Variants in FRMPD4 observed in about 807,000 individuals in gnomAD.
FRMPD4 encodes FERM and PDZ domain containing 4.
A neutral mutation model predicts 94.1 loss-of-function variants in FRMPD4; 22 were observed. The observed-to-expected ratio is 0.23, with a 90% CI of 0.17 to 0.33. The LOEUF is 0.33. Ranked by LOEUF, FRMPD4 falls within the 10% of genes least tolerant of loss-of-function variation. The probability of loss-of-function intolerance (pLI) is 1.00; values close to 1 mark genes in which losing one functional copy is unlikely to be tolerated. For synonymous variants in FRMPD4, 631 were observed against 548.6 expected, an observed-to-expected ratio of 1.15 and a Z score of -2.10; for missense variants, 1,111 against 1,339.9, an observed-to-expected ratio of 0.83 and a Z score of 2.67.
At chrX:11,885,288 T>C (rs1420384737) in intron 3 of FRMPD4, among the ~76,000 whole-genome samples, 1 of 111,456 alleles carries the variant, frequency 9.0e-6, no homozygotes, top group Admixed American at 9.6e-5. Flanking sequence ...AAAGACAAAG[T>C]GCTATATGAT....
rs892476260 is a variant in FRMPD4 at position 11,873,058 on chromosome X, C to T, written c.-29-4837C>T. On this transcript the variant is annotated intron_variant, in intron 2 of 18. Transcript: ENST00000640291. The stretch of plus-strand genomic sequence containing the variant: ...TATATGCCTGAGAGCACCAAATCTG[C>T]AGAAACACAAAAATATTTTCTCTAC... 2.7e-5 allele frequency among the ~76,000 whole-genome samples: 3 copies of T among 111,639 alleles called. No homozygotes were observed. The Admixed American group carries it at 2.9e-4, about 11-fold the overall frequency.
intron 1 of FRMPD4, among the ~76,000 whole-genome samples, chrX:12,159,893 T>A (rs1302010028): frequency 8.9e-6 from 1 of 112,064 alleles, no homozygotes; most frequent in Non-Finnish European, 1.9e-5. Context: ...GTGCTTTCCC[T>A]TGAAAAGCCC....
intron 3 of FRMPD4, among the ~76,000 whole-genome samples, chrX:12,070,560 A>T (rs1004480180): frequency 9.0e-6 from 1 of 111,620 alleles, no homozygotes; most frequent in Non-Finnish European, 1.9e-5. Flanking sequence ...GCCTAATGTC[A>T]TTCTGTCGCC....
chrX:11,903,429 A>G (rs2053949187), intron 3 of FRMPD4, among the ~76,000 whole-genome samples: 1 of 112,567 alleles, frequency 8.9e-6, no homozygotes, highest in African/African-American at 3.2e-5. Context: ...TATTCAGTGT[A>G]GATAACAAAT....
chrX:12,492,554 A>G (rs1426905868), intron 1 of FRMPD4, among the ~76,000 whole-genome samples: 1 of 112,427 alleles, frequency 8.9e-6, no homozygotes, highest in African/African-American at 3.2e-5. Context: ...TGTAATGAAT[A>G]TATTTTTGAG....
chrX:12,486,673 C>A (rs1414910505), intron 1 of FRMPD4, among the ~76,000 whole-genome samples: 2 of 112,426 alleles, frequency 1.8e-5, no homozygotes, highest in Non-Finnish European at 3.8e-5. Context: ...ATATTGAGAG[C>A]TTATTGTCTT....
chrX:12,146,814 T>C (rs936138947), intron 1 of FRMPD4, among the ~76,000 whole-genome samples: 11 of 112,426 alleles, frequency 9.8e-5, no homozygotes, highest in African/African-American at 2.3e-4. Flanking sequence ...CAGGCATTCC[T>C]GATGGTGTGG....
chrX:12,181,468 T>C (rs2056357862), intron 1 of FRMPD4, among the ~76,000 whole-genome samples: 1 of 111,824 alleles, frequency 8.9e-6, no homozygotes, highest in African/African-American at 3.2e-5. Context: ...AGCATAGTCA[T>C]CTAAGTTGTT....
At chrX:11,911,547 G>A (rs1240159191) in intron 3 of FRMPD4, among the ~76,000 whole-genome samples, 3 of 112,026 alleles carry the variant, frequency 2.7e-5, no homozygotes, top group East Asian at 2.8e-4. Flanking sequence ...TGGCAACTTG[G>A]AGAACTTCTT....
chrX:12,575,429 A>G (rs731485), intron 2 of FRMPD4, among the ~76,000 whole-genome samples: 2 of 108,341 alleles, frequency 1.8e-5, no homozygotes, highest in Non-Finnish European at 3.8e-5. Flanking sequence ...AATCAAGCCA[A>G]GTTAGAGCTT....
intron 3 of FRMPD4, among the ~76,000 whole-genome samples, chrX:11,943,913 T>C (rs1037535945): frequency 1.8e-5 from 2 of 111,817 alleles, no homozygotes; most frequent in African/African-American, 6.5e-5. Context: ...TTAAGTCATC[T>C]ATAGCAGGGA....
upstream of FRMPD4, among the ~76,000 whole-genome samples, chrX:12,138,203 C>G (rs919915904): frequency 2.7e-5 from 3 of 112,497 alleles, no homozygotes; most frequent in Non-Finnish European, 5.6e-5. Context: ...GACAAACGAC[C>G]CAACCTCAAT....
At chrX:12,219,968 C>T (rs768109841) in intron 1 of FRMPD4, among the ~76,000 whole-genome samples, 71 of 111,697 alleles carry the variant, frequency 6.4e-4, no homozygotes, top group African/African-American at 2.1e-3. Context: ...ATGGAGAAAC[C>T]CTGTCTCTAC....
chrX:12,021,447 C>T lies in FRMPD4; in HGVS notation c.95+143429C>T, dbSNP rs1037329437. On this transcript the variant is annotated intron_variant, in intron 3 of 18. Transcript: ENST00000640291. ...ATTCATCAAATATTAACAAAATATT[C>T]ATTTGGGGCTTAAATAACTCAATAT... Among the ~76,000 whole-genome samples the T allele has an allele frequency of 2.7e-5, 3 of 111,609 alleles. No homozygotes were observed. The East Asian group carries it at 8.4e-4, about 31-fold the overall frequency.
intron 1 of FRMPD4, among the ~76,000 whole-genome samples, chrX:12,447,324 C>T (rs975593135): frequency 8.1e-5 from 9 of 110,961 alleles, no homozygotes; most frequent in Non-Finnish European, 1.5e-4. Flanking sequence ...ATAAGCACTG[C>T]TTTTCACCCC....
chrX:12,613,434 T>C (rs1406972973), intron 3 of FRMPD4, among the ~76,000 whole-genome samples: 1 of 112,412 alleles, frequency 8.9e-6, no homozygotes, highest in Non-Finnish European at 1.9e-5. Context: ...ATTATCTCAT[T>C]ATATGGAAGG....
chrX:12,686,728 TAGA>T (rs762597676), intron 7 of FRMPD4, among the ~76,000 whole-genome samples: 270 of 112,336 alleles, frequency 2.4e-3, no homozygotes, highest in Non-Finnish European at 4.1e-3. Flanking sequence ...GCCTGCTTCT[TAGA>T]AGAAGGGCTG....
At chrX:12,208,465 G>GA (rs202094769) in intron 1 of FRMPD4, among the ~76,000 whole-genome samples, 36 of 103,457 alleles carry the variant, frequency 3.5e-4, no homozygotes, top group South Asian at 1.3e-3. Context: ...ACTGCACCCT[G>GA]AAAAAAAAAA....
chrX:12,715,143 A>C (rs373866541), intron 14 of FRMPD4, among the ~76,000 whole-genome samples: 1 of 112,115 alleles, frequency 8.9e-6, no homozygotes, highest in Non-Finnish European at 1.9e-5. Flanking sequence ...CTACAAGGCA[A>C]TATCAACAGA....
Sources: gnomAD v4.1 joint callset for allele counts (sites outside exome capture counted in the v4.1 genomes callset) on GRCh38, gnomAD v4.1.1 for gene constraint, MANE v1.5 for transcripts, NCBI Gene and HGNC (gene_info 2026-07-23, HGNC 2026-07-21) for gene names.